The following TSC1 variants were observed in gnomAD, a reference collection of about 807,000 sequenced individuals.
TSC1 encodes TSC complex subunit 1.
TSC1 carries 20 observed loss-of-function variants against 124.3 expected under a neutral mutation model. The observed-to-expected ratio is 0.16, with a 90% CI of 0.11 to 0.23. The LOEUF is 0.23. TSC1 is among the 10% of genes least tolerant of loss of function. The pLI, the probability that TSC1 is intolerant of heterozygous loss-of-function variation, is 1.00. For synonymous variants in TSC1, 493 were observed against 539.1 expected (o/e 0.91, Z 1.19); for missense variants, 1,124 against 1,448.5 (o/e 0.78, Z 3.64).
chr9:132,938,702 C>A (rs1206074055), intron 1 of TSC1, among the ~76,000 whole-genome samples: 1 of 152,098 alleles, frequency 6.6e-6, no homozygotes, highest in Non-Finnish European at 1.5e-5. Flanking sequence ...ATATCTCTGC[C>A]CTAGCCAAGA....
upstream of TSC1, chr9:132,945,274 C>A (rs1180342220): frequency 1.3e-5 from 2 of 152,238 alleles, no homozygotes; most frequent in African/African-American, 4.8e-5. Flanking sequence ...TGCGGGGGAC[C>A]CCCCTGGCTT....
chr9:132,896,899 C>T lies in TSC1; in HGVS notation c.2976-145G>A. 3 of 1,371,204 alleles carry T rather than the reference C, an allele frequency of 2.2e-6. No homozygotes were observed. The South Asian group carries it at 3.6e-5, about 16-fold the overall frequency. 84.9% of individuals were successfully genotyped at this position (1,371,204 alleles called of 1,614,324 possible). A position where few individuals can be genotyped will look rare whatever the true frequency, so the allele number is the denominator to read the frequency against. On this transcript the variant is annotated intron_variant, in intron 22 of 22. Coordinates refer to ENST00000298552, the MANE Select transcript of TSC1 (RefSeq NM_000368.5). This position sits in a 1 kb window ranked among gnomAD's most constrained non-coding sequence, Gnocchi z 4.5. The stretch of plus-strand genomic sequence containing the variant: ...TTTTATAATACTGGACTCAAGAGAT[C>T]TCATCAAGAGAAACCTAAATCACAA...
At chr9:132,900,538 A>C (rs1329663964) in intron 20 of TSC1, 177 bp downstream of exon 20, 17 of 1,003,168 alleles carry the variant, frequency 1.7e-5, no homozygotes, top group Non-Finnish European at 1.5e-6. Context: ...AATAGGAGAA[A>C]CAAGCTCACA....
chr9:132,932,981 C>A (rs1457779196), intron 2 of TSC1, among the ~76,000 whole-genome samples: 2 of 152,190 alleles, frequency 1.3e-5, no homozygotes, highest in Non-Finnish European at 1.5e-5. Flanking sequence ...TCTCAAAAAA[C>A]ATGGAAAGCA....
At chr9:132,928,144 T>C (rs905416019) in intron 3 of TSC1, among the ~76,000 whole-genome samples, 2 of 152,234 alleles carry the variant, frequency 1.3e-5, no homozygotes, top group Admixed American at 1.3e-4. Context: ...GTCCTCCTAG[T>C]GTTCCACTGC....
At chr9:132,915,943 A>C (rs748720942) in intron 8 of TSC1, among the ~76,000 whole-genome samples, 50 of 152,340 alleles carry the variant, frequency 3.3e-4, no homozygotes, top group Admixed American at 1.2e-3. Flanking sequence ...TCTCAGCATG[A>C]CTAGAAAGTG....
intron 8 of TSC1, 57 bp from the exon 9 acceptor site, chr9:132,912,514 T>C (rs2132009313): frequency 4.4e-6 from 7 of 1,603,158 alleles, no homozygotes; most frequent in Non-Finnish European, 6.0e-6. Context: ...AATTAAATAC[T>C]TCAGAGTGTC....
chr9:132,912,022 C>T (rs1039482842), intron 9 of TSC1, among the ~76,000 whole-genome samples: 4 of 152,150 alleles, frequency 2.6e-5, no homozygotes, highest in Non-Finnish European at 5.9e-5. Context: ...ATACTTAAAC[C>T]CATTTTCTTT....
Position 132,895,884 on chromosome 9 carries a change from A to T in TSC1, c.*351T>A. On this transcript the variant is annotated 3_prime_UTR_variant, in exon 23 of 23. Transcript: ENST00000298552. ...GGGAAAGCAGAAAGTGGTGTGTTAG[A>T]CTCAAAGATTAAATTTGGCCTCATA... The T allele has an allele frequency of 2.6e-6, 1 of 383,660 alleles. No homozygotes were observed. The highest frequency in any genetic ancestry group is 4.8e-6 in the Non-Finnish European group (1 of 207,120). 23.8% of individuals were successfully genotyped at this position (383,660 alleles called of 1,614,324 possible).
Position 132,923,599 on chromosome 9 carries a change from C to T in TSC1, c.364-107G>A. ...TAAACACTGAGAGAATCACAAATCA[C>T]AAGTTGACTCACGTACTCATTTCCC... is the stretch of plus-strand genomic sequence containing the variant. On this transcript the variant is annotated intron_variant, in intron 5 of 22. Transcript: ENST00000298552. This position sits in a 1 kb window ranked among gnomAD's most constrained non-coding sequence, Gnocchi z 4.2. The T allele has an allele frequency of 6.7e-7, 1 of 1,489,226 alleles. No individual in the cohort carries two copies. The highest frequency in any genetic ancestry group is 1.4e-5 in the African/African-American group (1 of 72,506). The allele number at this position is 1,489,226 out of a possible 1,614,324, so 92.3% of individuals were successfully genotyped here.
chr9:132,891,941 G>C lies in TSC1; in HGVS notation c.*4294C>G, dbSNP rs1844789613. 2 of 233,272 alleles carry C rather than the reference G, an allele frequency of 8.6e-6. No individual in the cohort carries two copies. Among genetic ancestry groups the C allele is most frequent in the Non-Finnish European group, 8.5e-6 (1 of 117,944 alleles). The allele number at this position is 233,272 out of a possible 1,614,324, so 14.5% of individuals were successfully genotyped here. ...TTCCACTGAAAGGTCCATTCCAATG[G>C]TTAAACCAGCCTACTTATCTCAGAG... On this transcript the variant is annotated 3_prime_UTR_variant, in exon 23 of 23. Transcript: ENST00000298552.
intron 8 of TSC1, among the ~76,000 whole-genome samples, chr9:132,914,237 G>A (rs1846144089): frequency 6.6e-6 from 1 of 152,072 alleles, no homozygotes; most frequent in Non-Finnish European, 1.5e-5. Flanking sequence ...TTCCTGTTAT[G>A]TGATCCATGG....
At chr9:132,917,400 G>A (rs910345917) in intron 8 of TSC1, among the ~76,000 whole-genome samples, 50 of 152,048 alleles carry the variant, frequency 3.3e-4, no homozygotes, top group African/African-American at 1.1e-3. Context: ...GCACGATCTC[G>A]GCTCACTGCA....
In TSC1 at chr9:132,923,642, G is replaced by T; in HGVS notation, c.364-150C>A. On this transcript the variant is annotated intron_variant, in intron 5 of 22. Transcript: ENST00000298552. The surrounding 1 kb of genome is among the most constrained non-coding windows in gnomAD (Gnocchi z 4.2). The stretch of plus-strand genomic sequence containing the variant: ...CATTTCCCTATCCCTAAGGATTACT[G>T]AAGGGATAACATTCAAACAGACTCA... 1 of 1,076,402 alleles carries T rather than the reference G, an allele frequency of 9.3e-7. No homozygotes were observed. Among genetic ancestry groups the T allele is most frequent in the Non-Finnish European group, 1.4e-6 (1 of 726,316 alleles). The allele number at this position is 1,076,402 out of a possible 1,614,324, so 66.7% of individuals were successfully genotyped here.
chr9:132,907,790 T>TA (rs1845750258), intron 12 of TSC1, among the ~76,000 whole-genome samples: 1 of 151,928 alleles, frequency 6.6e-6, no homozygotes, highest in Non-Finnish European at 1.5e-5. Flanking sequence ...TTTATAGTCT[T>TA]AAAAAATGGC....
rs117175413 is a variant in TSC1, at chr9:132,921,001, T to C, written c.737+362A>G. On this transcript the variant is annotated intron_variant, in intron 8 of 22. Coordinates refer to ENST00000298552, the MANE Select transcript of TSC1 (RefSeq NM_000368.5). This position sits in a 1 kb window ranked among gnomAD's most constrained non-coding sequence, Gnocchi z 4.3. ...ATATAGGACTCCCTGAAGTCCTTTCTCCATTTTGCAAAGCCAGATTTATAT... is the reference window on the plus strand; with the variant it reads ...ATATAGGACTCCCTGAAGTCCTTTCCCCATTTTGCAAAGCCAGATTTATAT... Among the ~76,000 whole-genome samples the C allele has an allele frequency of 2.1e-3, 321 of 151,850 alleles. No homozygotes were observed. The highest frequency in any genetic ancestry group is 3.6e-3 in the Non-Finnish European group (246 of 67,922).
In TSC1 at chr9:132,921,789, G is replaced by A. The variant is rs775588355; in HGVS notation, c.663+30C>T. Reference sequence around the variant, plus strand: ...GCAGCCTATCTAAACAGTATACTAAGTAGCAAACAAACAAGCAGTTTCAAT... The same window carrying A: ...GCAGCCTATCTAAACAGTATACTAAATAGCAAACAAACAAGCAGTTTCAAT... On this transcript the variant is annotated intron_variant, in intron 7 of 22. Transcript: ENST00000298552. This position sits in a 1 kb window ranked among gnomAD's most constrained non-coding sequence, Gnocchi z 4.3. 9 of 1,613,516 alleles carry A rather than the reference G, an allele frequency of 5.6e-6. No homozygotes were observed. The East Asian group carries it at 1.1e-4, about 20-fold the overall frequency.
chr9:132,941,731 C>A (rs1847747346), intron 1 of TSC1: 1 of 152,200 alleles, frequency 6.6e-6, no homozygotes, highest in Admixed American at 6.5e-5. Context: ...ATAAACAGAT[C>A]TTCACCCAAC....
At chr9:132,922,551 G>A (rs759331224) in intron 6 of TSC1, among the ~76,000 whole-genome samples, 1 of 152,114 alleles carries the variant, frequency 6.6e-6, no homozygotes, top group Non-Finnish European at 1.5e-5. Flanking sequence ...AAAGAACTAA[G>A]AGTGAAAGAA....
Sources: allele counts gnomAD v4.1 joint callset (sites outside exome capture counted in the v4.1 genomes callset), GRCh38; gene constraint gnomAD v4.1.1; non-coding constraint Gnocchi (gnomAD v3.1); transcripts MANE v1.5; gene names NCBI Gene and HGNC (gene_info 2026-07-23, HGNC 2026-07-21).